The following DLG2 variants were observed in gnomAD, a reference collection of about 807,000 sequenced individuals.
DLG2 encodes disks large homolog 2.
A neutral mutation model predicts 132.5 loss-of-function variants in DLG2; 45 were observed. The ratio of observed to expected loss-of-function variants is 0.34; its 90% confidence interval spans 0.27 to 0.44. The LOEUF is 0.44. DLG2 is among the 20% of genes least tolerant of loss of function. The pLI is 1.00. For synonymous variants in DLG2, 424 were observed against 419.6 expected (o/e 1.01, Z -0.13); for missense variants, 1,045 against 1,196.9 (o/e 0.87, Z 1.87).
At chr11:84,640,714 TGA>T (rs2099658709) in intron 6 of DLG2, 3 of 172,826 alleles carry the variant, frequency 1.7e-5, no homozygotes, top group African/African-American at 7.2e-5. Flanking sequence ...GGCCAAGGCG[TGA>T]CGATCATGAG....
intron 7 of DLG2, among the ~76,000 whole-genome samples, chr11:84,453,619 T>C (rs2099057497): frequency 6.6e-6 from 1 of 151,738 alleles, no homozygotes; most frequent in African/African-American, 2.4e-5. Flanking sequence ...AGTTTTAAAA[T>C]ATGAATCAAG....
chr11:85,450,347 G>A (rs2092192968), intron 3 of DLG2, among the ~76,000 whole-genome samples: 1 of 151,784 alleles, frequency 6.6e-6, no homozygotes, highest in Admixed American at 6.6e-5. Flanking sequence ...CTGGCTTTAT[G>A]TGGGTTCTCA....
chr11:85,368,341 T>A (rs2084708747), intron 3 of DLG2, among the ~76,000 whole-genome samples: 3 of 152,242 alleles, frequency 2.0e-5, no homozygotes, highest in African/African-American at 7.2e-5. Flanking sequence ...GTGCTAGCCA[T>A]CACTTCTCAA....
chr11:85,030,494 G>C (rs2060913783), intron 6 of DLG2, among the ~76,000 whole-genome samples: 1 of 152,162 alleles, frequency 6.6e-6, no homozygotes, highest in Admixed American at 6.5e-5. Flanking sequence ...AACAGTAAGA[G>C]TACAAGCAGT....
intron 14 of DLG2, among the ~76,000 whole-genome samples, chr11:83,953,828 G>A (rs1029732293): frequency 6.6e-6 from 1 of 152,128 alleles, no homozygotes; most frequent in Non-Finnish European, 1.5e-5. Context: ...TCATGATAGT[G>A]GTTAACTTGT....
intron 19 of DLG2, among the ~76,000 whole-genome samples, chr11:83,609,359 C>G (rs2059787325): frequency 6.6e-6 from 1 of 152,150 alleles, no homozygotes; most frequent in African/African-American, 2.4e-5. Context: ...TATTCTTGGT[C>G]CAACAGGTTT....
intron 3 of DLG2, among the ~76,000 whole-genome samples, chr11:85,507,827 T>C (rs1483209007): frequency 6.6e-6 from 1 of 152,140 alleles, no homozygotes; most frequent in African/African-American, 2.4e-5. Context: ...CGTTCTCCCA[T>C]CACTTTCCAG....
intron 16 of DLG2, among the ~76,000 whole-genome samples, chr11:83,871,951 T>C (rs2154064663): frequency 6.6e-6 from 1 of 152,276 alleles, no homozygotes; most frequent in East Asian, 1.9e-4. Flanking sequence ...AATATGTACC[T>C]GATACTTTTA....
intron 6 of DLG2, among the ~76,000 whole-genome samples, chr11:85,054,689 A>T (rs1182496052): frequency 6.6e-6 from 1 of 152,220 alleles, no homozygotes. Flanking sequence ...TCCACAGAAA[A>T]AAACAAAATC....
chr11:83,598,454 T>C (rs892929831), intron 19 of DLG2, among the ~76,000 whole-genome samples: 1 of 152,224 alleles, frequency 6.6e-6, no homozygotes, highest in Non-Finnish European at 1.5e-5. Flanking sequence ...GACAGTGTAG[T>C]AGAAAGAGTC....
chr11:83,627,192 T>A (rs528776160), intron 19 of DLG2, among the ~76,000 whole-genome samples: 16 of 151,942 alleles, frequency 1.1e-4, no homozygotes, highest in African/African-American at 3.6e-4. Flanking sequence ...TTTATTTATT[T>A]TTTATTTATT....
intron 6 of DLG2, among the ~76,000 whole-genome samples, chr11:84,558,801 G>C (rs1183908065): frequency 6.6e-6 from 1 of 152,080 alleles, no homozygotes; most frequent in Non-Finnish European, 1.5e-5. Context: ...GAAGGCTATT[G>C]ATTCCTTATC....
intron 6 of DLG2, among the ~76,000 whole-genome samples, chr11:84,754,095 G>A (rs7117583): frequency 6.6e-5 from 10 of 152,136 alleles, no homozygotes; most frequent in African/African-American, 9.7e-5. Context: ...CTTGAGTATA[G>A]ACTACTCCTT....
intron 9 of DLG2, among the ~76,000 whole-genome samples, chr11:84,116,344 T>C (rs906287045): frequency 2.6e-5 from 4 of 152,188 alleles, no homozygotes; most frequent in African/African-American, 4.8e-5. Context: ...CGAAATACTT[T>C]CCATGTTTTG....
At chr11:84,341,187 A>C (rs2154406231) in intron 7 of DLG2, among the ~76,000 whole-genome samples, 1 of 152,200 alleles carries the variant, frequency 6.6e-6, no homozygotes, top group South Asian at 2.1e-4. Flanking sequence ...GGGGGTTCTC[A>C]TAATAGTATT....
chr11:84,351,577 C>T lies in DLG2; in HGVS notation c.520-100286G>A, dbSNP rs138139504. Among the ~76,000 whole-genome samples the T allele has an allele frequency of 7.9e-3, 1,202 of 152,214 alleles. 6 individuals carry two copies. Among genetic ancestry groups the T allele is most frequent in the Non-Finnish European group, 0.013 (852 of 68,022 alleles). On this transcript the variant is annotated intron_variant, in intron 7 of 27. Transcript: ENST00000376104. The stretch of plus-strand genomic sequence containing the variant: ...CATGGGTCTGTGACATATATAACAG[C>T]ATTTGATTTATTGATATACAGTATT...
At chr11:84,735,012 T>C (rs1400142982) in intron 6 of DLG2, among the ~76,000 whole-genome samples, 1 of 152,126 alleles carries the variant, frequency 6.6e-6, no homozygotes, top group East Asian at 1.9e-4. Flanking sequence ...TGGATAAGCT[T>C]TTTGATGTGT....
chr11:84,522,004 C>A (rs560417308), intron 7 of DLG2, among the ~76,000 whole-genome samples: 1 of 150,966 alleles, frequency 6.6e-6, no homozygotes, highest in Non-Finnish European at 1.5e-5. Flanking sequence ...CTAGTCTCTA[C>A]TAAAAATACA....
chr11:83,923,634 T>C (rs1451683902), intron 15 of DLG2, among the ~76,000 whole-genome samples: 1 of 152,066 alleles, frequency 6.6e-6, no homozygotes, highest in African/African-American at 2.4e-5. Context: ...CCAGTAAATA[T>C]CCCAAGCCAG....
Sources: allele counts gnomAD v4.1 joint callset (sites outside exome capture counted in the v4.1 genomes callset), GRCh38; gene constraint gnomAD v4.1.1; transcripts MANE v1.5; gene names NCBI Gene and HGNC (gene_info 2026-07-23, HGNC 2026-07-21).